Variants in SPRED1 observed in about 807,000 individuals in gnomAD.
SPRED1 encodes sprouty-related, EVH1 domain-containing protein 1.
In SPRED1, 18 loss-of-function variants were observed where a neutral mutation model predicts 52.3. The observed-to-expected ratio is 0.34, with a 90% CI of 0.24 to 0.51. The LOEUF is 0.51. SPRED1 is among the 20% of genes least tolerant of loss of function. The probability of loss-of-function intolerance (pLI) is 0.97; values close to 1 mark genes in which losing one functional copy is unlikely to be tolerated. For synonymous variants in SPRED1, 155 were observed against 179.7 expected (o/e 0.86, Z 1.10); for missense variants, 485 against 551.0 (o/e 0.88, Z 1.20).
At chr15:38,348,416 C>CTGTGTG (rs3075338) in intron 5 of SPRED1, among the ~76,000 whole-genome samples, 8,137 of 148,606 alleles carry the variant, frequency 0.055, 737 homozygotes, top group African/African-American at 0.19. Context: ...TTTTAAAGAT[C>CTGTGTG]TGTGTGTGTG....
chr15:38,299,797 C>A (rs1290351235), intron 2 of SPRED1, among the ~76,000 whole-genome samples: 5 of 151,820 alleles, frequency 3.3e-5, no homozygotes, highest in African/African-American at 1.2e-4. Flanking sequence ...ATAAATAGTC[C>A]CCCTAGTTAT....
rs1282540245 is a variant in SPRED1 at position 38,324,795 on chromosome 15, G to T, written c.409G>T (p.Ala137Ser). 1 of 1,611,792 alleles carries T rather than the reference G, an allele frequency of 6.2e-7. No individual in the cohort carries two copies. Among genetic ancestry groups the T allele is most frequent in the South Asian group, 1.1e-5 (1 of 90,602 alleles). ...CPESKNEAEG[A>S]DDLQANEEDS... ...CGAATCAAAAAATGAAGCTGAAGGGGCAGATGACTTACAAGTAAGTAATGG... is the reference window on the plus strand; with the variant it reads ...CGAATCAAAAAATGAAGCTGAAGGGTCAGATGACTTACAAGTAAGTAATGG... The change falls in exon 4 of 7, where the codon GCA becomes TCA. Residue 137 changes from alanine to serine, a missense_variant. By Grantham distance (99) the Ala-to-Ser change is moderately conservative (BLOSUM62 1). Around this residue, in one of 5 missense-constraint regions of SPRED1, gnomAD observed 232 missense variants for 231.8 expected, o/e 1.00. Transcript: ENST00000299084.
At position 38,352,230 on chromosome 15, in the gene SPRED1, G is replaced by A. The variant is rs1024481332; in HGVS notation, c.*566G>A. ...TATTAAACTTTTCTTCCCCTTCCTA[G>A]TTCTGAAGTAGATATATATATATAT... On this transcript the variant is annotated 3_prime_UTR_variant, in exon 7 of 7. Coordinates refer to ENST00000299084, the MANE Select transcript of SPRED1 (RefSeq NM_152594.3). 9.2e-5 allele frequency: 14 copies of A among 151,444 alleles called. No individual in the cohort carries two copies. Among genetic ancestry groups the A allele is most frequent in the African/African-American group, 3.0e-4 (12 of 40,018 alleles). 9.4% of individuals were successfully genotyped at this position (151,444 alleles called of 1,614,324 possible).
At chr15:38,308,871 G>A (rs369781772) in intron 2 of SPRED1, among the ~76,000 whole-genome samples, 2 of 152,244 alleles carry the variant, frequency 1.3e-5, no homozygotes, top group African/African-American at 4.8e-5. Context: ...TATGGTAGTT[G>A]CATATTTAGT....
rs536690348 is a variant in SPRED1, at chr15:38,341,975, T to C, written c.582+2080T>C. On this transcript the variant is annotated intron_variant, in intron 5 of 6. Coordinates refer to ENST00000299084, the MANE Select transcript of SPRED1 (RefSeq NM_152594.3). ...GCTTTCACAATAGGTTTTTTTCTTT[T>C]TTCCTTCCAACATTTCAGACCTCTC... Among the ~76,000 whole-genome samples the C allele has an allele frequency of 2.3e-4, 35 of 151,860 alleles. No homozygotes were observed. In the South Asian group the frequency reaches 7.3e-3, roughly 32 times the overall value.
rs1888438312 is a variant in SPRED1 at position 38,349,590 on chromosome 15, G to A, written c.684+67G>A. On this transcript the variant is annotated intron_variant, in intron 6 of 6. Transcript: ENST00000299084. ...ATTAATAGATAGGTAAAGTTTTCCA[G>A]TCTTTCTAATTCTCCATATAGTTGA... 3 of 533,390 alleles carry A rather than the reference G, an allele frequency of 5.6e-6. No individual in the cohort carries two copies. In the South Asian group the frequency reaches 6.4e-5, roughly 11 times the overall value. The allele number at this position is 533,390 out of a possible 1,614,324, so 33.0% of individuals were successfully genotyped here.
At chr15:38,302,792 T>G (rs1049841741) in intron 2 of SPRED1, among the ~76,000 whole-genome samples, 1 of 152,180 alleles carries the variant, frequency 6.6e-6, no homozygotes, top group Non-Finnish European at 1.5e-5. Flanking sequence ...GGGGTTGGTG[T>G]TGTAGCCTAA....
In SPRED1 at chr15:38,354,166, T is replaced by C. The variant is rs532084025; in HGVS notation, c.*2502T>C. 6.6e-6 allele frequency: 1 copy of C among 152,306 alleles called. No individual in the cohort carries two copies. The highest frequency in any genetic ancestry group is 1.9e-4 in the East Asian group (1 of 5,204). 9.4% of individuals were successfully genotyped at this position (152,306 alleles called of 1,614,324 possible). On this transcript the variant is annotated 3_prime_UTR_variant, in exon 7 of 7. Transcript: ENST00000299084. ...GAATCCCTATATGGAAATTTTCTTTTGAGTAAATGAGAATTCCTTTGTGAA... is the reference window on the plus strand; with the variant it reads ...GAATCCCTATATGGAAATTTTCTTTCGAGTAAATGAGAATTCCTTTGTGAA...
intron 2 of SPRED1, among the ~76,000 whole-genome samples, chr15:38,301,032 A>G (rs1895139813): frequency 1.3e-5 from 2 of 152,298 alleles, no homozygotes; most frequent in East Asian, 1.9e-4. Context: ...AATGTGGATT[A>G]AGAGAGAAAA....
chr15:38,336,467 T>TTA (rs1223821864), intron 4 of SPRED1, among the ~76,000 whole-genome samples: 4 of 144,772 alleles, frequency 2.8e-5, no homozygotes, highest in African/African-American at 1.0e-4. Flanking sequence ...ATATAATATT[T>TTA]TATATATATG....
At chr15:38,296,114 CAT>C (rs1302935625) in intron 1 of SPRED1, among the ~76,000 whole-genome samples, 1 of 152,072 alleles carries the variant, frequency 6.6e-6, no homozygotes, top group Admixed American at 6.6e-5. Flanking sequence ...AAGGAGAAAA[CAT>C]AAAATCTCAG....
At chr15:38,334,597 G>A (rs1213897378) in intron 4 of SPRED1, among the ~76,000 whole-genome samples, 1 of 151,912 alleles carries the variant, frequency 6.6e-6, no homozygotes, top group Non-Finnish European at 1.5e-5. Context: ...AGACAAATGG[G>A]ATCATGCCAT....
At chr15:38,349,170 T>C (rs1896200880) in intron 5 of SPRED1, among the ~76,000 whole-genome samples, 1 of 152,182 alleles carries the variant, frequency 6.6e-6, no homozygotes, top group Non-Finnish European at 1.5e-5. Context: ...CGTTCATTAG[T>C]TGATGAATAT....
rs1248961626 is a variant in SPRED1 at position 38,268,411 on chromosome 15, A to T, written c.32+15194A>T. Among the ~76,000 whole-genome samples, 3 of 152,226 alleles carry T rather than the reference A, an allele frequency of 2.0e-5. No individual in the cohort carries two copies. The East Asian group carries it at 5.8e-4, about 29-fold the overall frequency. ...TCAATGGCAATGGGTCTCCATCAGC[A>T]TTATGTTTCCATGTAGAATGGAATA... On this transcript the variant is annotated intron_variant, in intron 1 of 6. Coordinates refer to ENST00000299084, the MANE Select transcript of SPRED1 (RefSeq NM_152594.3).
intron 4 of SPRED1, among the ~76,000 whole-genome samples, chr15:38,327,088 A>G (rs995810445): frequency 3.9e-5 from 6 of 152,092 alleles, no homozygotes; most frequent in African/African-American, 1.2e-4. Flanking sequence ...AAGTTCCAGA[A>G]ACGAGATTGA....
chr15:38,331,494 T>A (rs1895806079), intron 4 of SPRED1, among the ~76,000 whole-genome samples: 1 of 152,128 alleles, frequency 6.6e-6, no homozygotes, highest in South Asian at 2.1e-4. Flanking sequence ...TGCTCAATCA[T>A]ATCCAAATTA....
At chr15:38,329,206 G>C (rs1895764753) in intron 4 of SPRED1, among the ~76,000 whole-genome samples, 1 of 152,130 alleles carries the variant, frequency 6.6e-6, no homozygotes, top group South Asian at 2.1e-4. Context: ...TAGATATCAT[G>C]TTTTTGGGCA....
At chr15:38,311,350 A>G (rs988738268) in intron 2 of SPRED1, among the ~76,000 whole-genome samples, 1 of 152,122 alleles carries the variant, frequency 6.6e-6, no homozygotes, top group Non-Finnish European at 1.5e-5. Flanking sequence ...TTTGCATTTA[A>G]GTTCATTAGA....
intron 2 of SPRED1, among the ~76,000 whole-genome samples, chr15:38,314,640 G>A (rs16966730): frequency 0.091 from 13,773 of 151,848 alleles, 748 homozygotes; most frequent in East Asian, 0.21. Context: ...ATTGGAGTAT[G>A]GGAACTGTAG....
Sources: allele counts gnomAD v4.1 joint callset (sites outside exome capture counted in the v4.1 genomes callset), GRCh38; gene constraint gnomAD v4.1.1; regional missense constraint gnomAD v4.1.1; transcripts MANE v1.5; gene names NCBI Gene and HGNC (gene_info 2026-07-23, HGNC 2026-07-21).